MTUS2: variants seen among roughly 807,000 people sequenced by gnomAD.
MTUS2 encodes the protein microtubule-associated tumor suppressor candidate 2.
A neutral mutation model predicts 114.1 loss-of-function variants in MTUS2; 40 were observed. The ratio of observed to expected loss-of-function variants is 0.35; its 90% CI spans 0.27 to 0.46. The LOEUF is 0.46. Among genes scored for constraint, MTUS2 ranks in the 20% least tolerant of loss-of-function variants. The pLI is 1.00. For missense variants in MTUS2, 1,679 were observed against 1,705.4 expected (o/e 0.98, Z 0.27); for synonymous variants, 688 against 672.0 (o/e 1.02, Z -0.37).
chr13:28,977,350 A>G (rs1884161119), intron 2 of MTUS2, among the ~76,000 whole-genome samples: 1 of 152,190 alleles, frequency 6.6e-6, no homozygotes, highest in Admixed American at 6.5e-5. Flanking sequence ...AGGAGAAGGA[A>G]TAGGAAATCT....
At chr13:29,471,305 T>C (rs140652490) in intron 9 of MTUS2, among the ~76,000 whole-genome samples, 163 of 152,122 alleles carry the variant, frequency 1.1e-3, no homozygotes, top group African/African-American at 3.7e-3. Context: ...ATCACATCAC[T>C]GCACTCCAGC....
In MTUS2 at chr13:28,909,406, G is replaced by A. The variant is rs1039117068; in HGVS notation, c.-243+69556G>A. On this transcript the variant is annotated intron_variant, in intron 2 of 15. Coordinates refer to ENST00000612955, the MANE Select transcript of MTUS2 (RefSeq NM_001033602.4). ...AGTTCTCCTTGAAGAGGTCCTTCAC[G>A]TCCCTTGTAAGTTGGATTCGTAGGT... Among the ~76,000 whole-genome samples the A allele has an allele frequency of 5.3e-5, 8 of 151,984 alleles. No individual in the cohort carries two copies. In the East Asian group the frequency reaches 5.8e-4, roughly 11 times the overall value.
chr13:29,243,997 G>A (rs914841830), intron 5 of MTUS2, among the ~76,000 whole-genome samples: 29 of 152,230 alleles, frequency 1.9e-4, no homozygotes, highest in African/African-American at 7.0e-4. Context: ...TGTGAGACCA[G>A]GGGTGAACAT....
chr13:29,140,862 A>C (rs1157823015), intron 5 of MTUS2, among the ~76,000 whole-genome samples: 1 of 152,132 alleles, frequency 6.6e-6, no homozygotes, highest in African/African-American at 2.4e-5. Flanking sequence ...AAACACAGCA[A>C]AGTATATGCT....
chr13:28,998,679 G>A (rs911886314), intron 2 of MTUS2, among the ~76,000 whole-genome samples: 3 of 152,016 alleles, frequency 2.0e-5, no homozygotes, highest in Non-Finnish European at 2.9e-5. Flanking sequence ...CCAGTTGATC[G>A]CATCGGTTAC....
chr13:29,376,037 A>ATG (rs1491060511), intron 8 of MTUS2, among the ~76,000 whole-genome samples: 78 of 98,050 alleles, frequency 8.0e-4, no homozygotes, highest in African/African-American at 3.2e-3. Context: ...GTATATATAT[A>ATG]TATGTGTGTG....
chr13:29,048,939 T>A (rs1294298984), intron 4 of MTUS2, among the ~76,000 whole-genome samples: 1 of 152,208 alleles, frequency 6.6e-6, no homozygotes, highest in Non-Finnish European at 1.5e-5. Flanking sequence ...TGAGCTTTTC[T>A]CTGGAGTAAA....
At chr13:29,268,430 T>TC (rs780725666) in intron 5 of MTUS2, among the ~76,000 whole-genome samples, 3 of 152,144 alleles carry the variant, frequency 2.0e-5, no homozygotes, top group Non-Finnish European at 4.4e-5. Flanking sequence ...TGTGTGAAAG[T>TC]CGAGTCTTCA....
intron 2 of MTUS2, among the ~76,000 whole-genome samples, chr13:28,863,384 C>G (rs1164703070): frequency 6.6e-6 from 1 of 152,204 alleles, no homozygotes; most frequent in East Asian, 1.9e-4. Context: ...TGGTTCCCAC[C>G]ATGAGCCTTT....
At chr13:29,224,967 G>A (rs1896048593) in intron 5 of MTUS2, among the ~76,000 whole-genome samples, 1 of 152,180 alleles carries the variant, frequency 6.6e-6, no homozygotes, top group Non-Finnish European at 1.5e-5. Context: ...GAGTTGAGGG[G>A]CTGCGGTGGT....
chr13:29,344,676 A>G (rs1436730358), intron 7 of MTUS2, among the ~76,000 whole-genome samples: 1 of 152,134 alleles, frequency 6.6e-6, no homozygotes, highest in African/African-American at 2.4e-5. Context: ...GGTGTGAGGT[A>G]CTATTCTACT....
intron 8 of MTUS2, among the ~76,000 whole-genome samples, chr13:29,389,871 A>G (rs150437300): frequency 8.3e-5 from 2 of 24,226 alleles, no homozygotes; most frequent in African/African-American, 1.4e-4. Context: ...ACATATGTGT[A>G]TATATACATA....
At chr13:29,140,800 T>A (rs947383105) in intron 5 of MTUS2, among the ~76,000 whole-genome samples, 5 of 152,188 alleles carry the variant, frequency 3.3e-5, no homozygotes, top group African/African-American at 9.6e-5. Flanking sequence ...AAGGCTTCCC[T>A]CATGGGAAGT....
intron 2 of MTUS2, among the ~76,000 whole-genome samples, chr13:28,958,327 G>A (rs1047071989): frequency 6.6e-6 from 1 of 152,156 alleles, no homozygotes; most frequent in African/African-American, 2.4e-5. Context: ...CTGCTTGCTT[G>A]ATTTATCTTT....
At chr13:29,356,844 T>C (rs1385638122) in intron 7 of MTUS2, among the ~76,000 whole-genome samples, 4 of 152,218 alleles carry the variant, frequency 2.6e-5, no homozygotes. Context: ...ATCTGTGCTC[T>C]GACAGTGATT....
At chr13:29,424,212 T>G (rs1463351665) in intron 8 of MTUS2, among the ~76,000 whole-genome samples, 1 of 152,064 alleles carries the variant, frequency 6.6e-6, no homozygotes, top group Non-Finnish European at 1.5e-5. Flanking sequence ...AAGATAAGAT[T>G]TAGAATGTTC....
At chr13:29,078,152 A>C (rs534155325) in intron 4 of MTUS2, among the ~76,000 whole-genome samples, 7 of 152,312 alleles carry the variant, frequency 4.6e-5, no homozygotes, top group Non-Finnish European at 1.0e-4. Context: ...GAAAGAAATG[A>C]GTCCACTTCA....
chr13:29,188,729 C>T (rs1894324544), intron 5 of MTUS2, among the ~76,000 whole-genome samples: 1 of 152,126 alleles, frequency 6.6e-6, no homozygotes. Flanking sequence ...ATATAAGCTT[C>T]CCCTCTCAGT....
intron 2 of MTUS2, among the ~76,000 whole-genome samples, chr13:28,963,249 G>C (rs949916691): frequency 1.3e-5 from 2 of 152,146 alleles, no homozygotes; most frequent in African/African-American, 4.8e-5. Context: ...TACTCGGGAG[G>C]CTGAGGCAGG....
Sources: allele counts gnomAD v4.1 joint callset (sites outside exome capture counted in the v4.1 genomes callset), GRCh38; gene constraint gnomAD v4.1.1; transcripts MANE v1.5; gene names NCBI Gene and HGNC (gene_info 2026-07-23, HGNC 2026-07-21).